Variants in AGBL4 observed in about 807,000 individuals in gnomAD.
AGBL4 encodes the protein cytosolic carboxypeptidase 6.
Under a neutral mutation model 66.4 loss-of-function variants are expected in AGBL4, and 58 were observed. The observed-to-expected ratio is 0.87, with a 90% CI of 0.71 to 1.09. The LOEUF (loss-of-function observed/expected upper bound fraction) is 1.09. Among genes scored for constraint, AGBL4 ranks in the 50% least tolerant of loss-of-function variants. The probability of loss-of-function intolerance (pLI) is 0.00; values close to 1 mark genes in which losing one functional copy is unlikely to be tolerated. For missense variants in AGBL4, 579 were observed against 631.0 expected, an observed-to-expected ratio of 0.92 and a Z score of 0.88; for synonymous variants, 234 against 222.9, an observed-to-expected ratio of 1.05 and a Z score of -0.44.
intron 6 of AGBL4, among the ~76,000 whole-genome samples, chr1:48,749,229 A>T (rs1424109865): frequency 6.6e-6 from 1 of 152,036 alleles, no homozygotes; most frequent in African/African-American, 2.4e-5. Flanking sequence ...TATCAAATGT[A>T]TCTCTCTTTT....
intron 5 of AGBL4, among the ~76,000 whole-genome samples, chr1:48,919,899 C>A (rs1108426): frequency 0.012 from 1,829 of 152,282 alleles, 35 homozygotes; most frequent in African/African-American, 0.039. Flanking sequence ...GCAGTGAAGA[C>A]AAGTGTTGCA....
rs139489961 is a variant in AGBL4, at chr1:48,878,708, G to A, written c.595-11478C>T. On this transcript the variant is annotated intron_variant, in intron 5 of 13. Transcript: ENST00000371839. Reference sequence around the variant, plus strand: ...ATCTCCAGCTCCTACCACTGTACTTGGCACATAGCAGGCTCTCAGTCATGT... The same window carrying A: ...ATCTCCAGCTCCTACCACTGTACTTAGCACATAGCAGGCTCTCAGTCATGT... Among the ~76,000 whole-genome samples the A allele has an allele frequency of 1.3e-3, 196 of 152,164 alleles. 3 individuals are homozygous for A. Among genetic ancestry groups the A allele is most frequent in the Admixed American group, 4.1e-3 (63 of 15,266 alleles).
At chr1:49,185,076 G>C (rs1035188156) in intron 4 of AGBL4, among the ~76,000 whole-genome samples, 5 of 152,122 alleles carry the variant, frequency 3.3e-5, no homozygotes, top group African/African-American at 1.2e-4. Flanking sequence ...CAGAGACTCA[G>C]GAATTCTATA....
chr1:48,524,068 G>A, the AGBL4 span, among the ~76,000 whole-genome samples: 1 of 152,200 alleles, frequency 6.6e-6, no homozygotes, highest in African/African-American at 2.4e-5. Context: ...GTGAGGTGGT[G>A]TGTGACTGTA....
chr1:49,126,244 C>T (rs1012860005), intron 4 of AGBL4, among the ~76,000 whole-genome samples: 3 of 152,132 alleles, frequency 2.0e-5, no homozygotes, highest in African/African-American at 7.2e-5. Flanking sequence ...TTCCAAGCAG[C>T]CTGGAAATTA....
chr1:49,697,420 C>A lies in AGBL4; in HGVS notation c.175G>T (p.Asp59Tyr). The A allele has an allele frequency of 6.6e-7, 1 of 1,520,554 alleles. No homozygotes were observed. Among genetic ancestry groups the A allele is most frequent in the Non-Finnish European group, 8.9e-7 (1 of 1,123,614 alleles). 94.2% of individuals were successfully genotyped at this position (1,520,554 alleles called of 1,614,324 possible). ...TCATACTCAAACTCAGAGACCTGGT[C>A]CACCCGGCCCAGGTTACCTGGTAAT... is the stretch of plus-strand genomic sequence containing the variant. Reference protein sequence around the residue: ...CFESGNLGRVDQVSEFEYDLF... With the variant: ...CFESGNLGRVYQVSEFEYDLF... The change falls in exon 3 of 14, where the codon GAC (aspartate) becomes TAC (tyrosine). Residue 59 changes from aspartate to tyrosine, a missense_variant. Transcript: ENST00000371839.
intron 3 of AGBL4, among the ~76,000 whole-genome samples, chr1:49,637,121 G>T (rs1645689567): frequency 6.6e-6 from 1 of 152,240 alleles, no homozygotes; most frequent in South Asian, 2.1e-4. Flanking sequence ...TCAGTTTTGG[G>T]ACTGGGACTG....
chr1:48,996,880 T>A (rs1010816814), intron 5 of AGBL4, among the ~76,000 whole-genome samples: 1 of 151,566 alleles, frequency 6.6e-6, no homozygotes, highest in Non-Finnish European at 1.5e-5. Flanking sequence ...TATAAAGATA[T>A]AAAATATTAT....
At chr1:49,032,985 T>A (rs1364438730) in intron 5 of AGBL4, among the ~76,000 whole-genome samples, 1 of 152,214 alleles carries the variant, frequency 6.6e-6, no homozygotes, top group African/African-American at 2.4e-5. Context: ...ATATGCCTCC[T>A]TTATCTAGCA....
chr1:49,108,878 T>C (rs1224446709), intron 4 of AGBL4, among the ~76,000 whole-genome samples: 2 of 152,142 alleles, frequency 1.3e-5, no homozygotes, highest in African/African-American at 4.8e-5. Flanking sequence ...TATGGCAAAG[T>C]GCACTAAACT....
intron 3 of AGBL4, among the ~76,000 whole-genome samples, chr1:49,630,375 G>C (rs576406932): frequency 6.6e-6 from 1 of 152,092 alleles, no homozygotes; most frequent in Non-Finnish European, 1.5e-5. Context: ...TAGTCTTCTG[G>C]TAAGTCTTCT....
chr1:48,687,058 G>C (rs1646544381), intron 6 of AGBL4, among the ~76,000 whole-genome samples: 1 of 151,178 alleles, frequency 6.6e-6, no homozygotes, highest in South Asian at 2.1e-4. Context: ...ACACAGAGGG[G>C]CAGGGGGTGG....
intron 3 of AGBL4, among the ~76,000 whole-genome samples, chr1:49,473,012 G>A (rs1646776237): frequency 6.6e-6 from 1 of 151,852 alleles, no homozygotes; most frequent in African/African-American, 2.4e-5. Context: ...CCCTCTTTAT[G>A]GCTGTTGTAT....
chr1:49,577,901 G>A (rs937544866), intron 3 of AGBL4, among the ~76,000 whole-genome samples: 4 of 152,144 alleles, frequency 2.6e-5, no homozygotes, highest in African/African-American at 9.7e-5. Flanking sequence ...CCAATATATG[G>A]TATTTTCTCT....
Position 49,918,028 on chromosome 1 carries a change from G to C in AGBL4, c.35-66510C>G, listed in dbSNP as rs184606047. Among the ~76,000 whole-genome samples, 148 of 152,292 alleles carry C rather than the reference G, an allele frequency of 9.7e-4. 1 individual carries two copies. The highest frequency in any genetic ancestry group is 2.7e-3 in the Admixed American group (42 of 15,294). On this transcript the variant is annotated intron_variant, in intron 1 of 13. Transcript: ENST00000371839. ...GAAGGCAGAAATAAAGATGTTCTTT[G>C]AAACCAATGAGAACAAAGACACAAC...
chr1:49,998,300 A>G (rs1368965084), intron 1 of AGBL4, among the ~76,000 whole-genome samples: 1 of 152,174 alleles, frequency 6.6e-6, no homozygotes, highest in African/African-American at 2.4e-5. Context: ...CAAGACTACT[A>G]TGAACACTTT....
chr1:49,737,050 T>G (rs1212558354), intron 2 of AGBL4, among the ~76,000 whole-genome samples: 1 of 151,948 alleles, frequency 6.6e-6, no homozygotes, highest in Non-Finnish European at 1.5e-5. Flanking sequence ...AAAGCAAAGC[T>G]GCAGAGAAAA....
intron 3 of AGBL4, among the ~76,000 whole-genome samples, chr1:49,475,780 T>G (rs1646834187): frequency 6.6e-6 from 1 of 152,106 alleles, no homozygotes; most frequent in African/African-American, 2.4e-5. Flanking sequence ...TGATGTTACC[T>G]CTGTCATTTC....
chr1:48,695,595 G>A (rs559965002), intron 6 of AGBL4, among the ~76,000 whole-genome samples: 1 of 152,152 alleles, frequency 6.6e-6, no homozygotes, highest in Non-Finnish European at 1.5e-5. Flanking sequence ...GGAATGGAAG[G>A]GAGTTTGGGA....
Sources: gnomAD v4.1 joint callset for allele counts (sites outside exome capture counted in the v4.1 genomes callset) on GRCh38, gnomAD v4.1.1 for gene constraint, MANE v1.5 for transcripts, NCBI Gene and HGNC (gene_info 2026-07-23, HGNC 2026-07-21) for gene names.